Variants in FHIT observed in about 807,000 individuals in gnomAD.
FHIT encodes the protein fragile histidine triad diadenosine triphosphatase, also known as bis(5'-adenosyl)-triphosphatase.
FHIT carries 19 observed loss-of-function variants against 17.9 expected under a neutral mutation model. The observed-to-expected ratio is 1.06, with a 90% CI of 0.74 to 1.56. FHIT has a LOEUF of 1.56. Among genes scored for constraint, FHIT ranks in the 40% most tolerant of loss-of-function variants. The pLI is 0.00. For missense variants in FHIT, 248 were observed against 189.2 expected, an observed-to-expected ratio of 1.31 and a Z score of -1.82; for synonymous variants, 81 against 69.7, an observed-to-expected ratio of 1.16 and a Z score of -0.81.
At chr3:61,215,765 C>A (rs1309005358) in intron 1 of FHIT, among the ~76,000 whole-genome samples, 1 of 152,118 alleles carries the variant, frequency 6.6e-6, no homozygotes, top group Admixed American at 6.5e-5. Context: ...CTACAGTAAC[C>A]AAAACAGCAT....
chr3:60,101,736 T>C (rs1333917434), intron 5 of FHIT, among the ~76,000 whole-genome samples: 2 of 152,148 alleles, frequency 1.3e-5, no homozygotes, highest in African/African-American at 2.4e-5. Context: ...AATGAATAAA[T>C]TAACGAATGC....
At chr3:60,356,379 A>C (rs10510842) in intron 5 of FHIT, among the ~76,000 whole-genome samples, 5,814 of 152,228 alleles carry the variant, frequency 0.038, 301 homozygotes, top group African/African-American at 0.12. Flanking sequence ...GCATGATCGC[A>C]TAATTTTTTA....
At chr3:60,800,674 G>T (rs1347060744) in intron 4 of FHIT, among the ~76,000 whole-genome samples, 2 of 152,180 alleles carry the variant, frequency 1.3e-5, no homozygotes, top group Non-Finnish European at 2.9e-5. Flanking sequence ...GAAACCTATG[G>T]GGAAATGAGG....
chr3:60,409,181 T>C (rs1701978632), intron 5 of FHIT, among the ~76,000 whole-genome samples: 1 of 152,230 alleles, frequency 6.6e-6, no homozygotes, highest in Non-Finnish European at 1.5e-5. Flanking sequence ...TTCTTTTACT[T>C]GGCCTTGATT....
At chr3:61,082,345 G>A (rs2035166098) in intron 2 of FHIT, among the ~76,000 whole-genome samples, 1 of 152,138 alleles carries the variant, frequency 6.6e-6, no homozygotes, top group Admixed American at 6.5e-5. Context: ...GTAACATTCA[G>A]CACATGCTTT....
chr3:60,377,338 T>C (rs1700605370), intron 5 of FHIT, among the ~76,000 whole-genome samples: 1 of 151,950 alleles, frequency 6.6e-6, no homozygotes, highest in Admixed American at 6.5e-5. Flanking sequence ...ATTTTTGTTT[T>C]AGTAGAGACG....
intron 3 of FHIT, among the ~76,000 whole-genome samples, chr3:60,946,774 C>A (rs1553775863): frequency 6.6e-6 from 1 of 151,978 alleles, no homozygotes; most frequent in Non-Finnish European, 1.5e-5. Context: ...AAAACAGACA[C>A]CCCTGGAGAG....
At chr3:61,067,027 C>G (rs532287850) in intron 2 of FHIT, among the ~76,000 whole-genome samples, 2 of 152,170 alleles carry the variant, frequency 1.3e-5, no homozygotes, top group African/African-American at 4.8e-5. Context: ...GGCTGGGAAG[C>G]CTTCTTTTGG....
At position 61,136,985 on chromosome 3, in the gene FHIT, ATTG is replaced by A. The variant is rs1442304022; in HGVS notation, c.-164+63629_-164+63631del. Among the ~76,000 whole-genome samples, 3 of 152,206 alleles carry A rather than the reference ATTG, an allele frequency of 2.0e-5. No individual in the cohort carries two copies. The East Asian group carries it at 5.8e-4, about 29-fold the overall frequency. On this transcript the variant is annotated intron_variant, in intron 2 of 9. Coordinates refer to ENST00000492590, the MANE Select transcript of FHIT (RefSeq NM_002012.4). The stretch of plus-strand genomic sequence containing the variant: ...TGTCAGGTGTTAGGATTCTGCATGT[ATTG>A]TTGTTGTTTCTAAAACTGCATTTAA...
Position 59,793,401 on chromosome 3 carries a change from G to A in FHIT, c.349-41080C>T, listed in dbSNP as rs148063611. 1.4e-3 allele frequency among the ~76,000 whole-genome samples: 208 copies of A among 152,164 alleles called. 1 individual carries two copies. Among genetic ancestry groups the A allele is most frequent in the African/African-American group, 2.8e-3 (116 of 41,524 alleles). On this transcript the variant is annotated intron_variant, in intron 8 of 9. Transcript: ENST00000492590. ...AGAGAGGAAGGACAAAGTCAGAATT[G>A]ACACTGTGTTCGTGATGAAGGCAAC...
At chr3:61,044,807 A>C (rs1241646622) in intron 2 of FHIT, among the ~76,000 whole-genome samples, 3 of 152,254 alleles carry the variant, frequency 2.0e-5, no homozygotes, top group Admixed American at 6.5e-5. Context: ...TAGAAGCCAG[A>C]AGAGAGTGGA....
At chr3:60,007,501 C>A (rs186822712) in intron 7 of FHIT, among the ~76,000 whole-genome samples, 1 of 151,912 alleles carries the variant, frequency 6.6e-6, no homozygotes, top group Admixed American at 6.6e-5. Flanking sequence ...CATCATCATT[C>A]TCTTCCCCAC....
chr3:59,858,477 C>T (rs753569274), intron 8 of FHIT, among the ~76,000 whole-genome samples: 4 of 151,966 alleles, frequency 2.6e-5, no homozygotes, highest in African/African-American at 4.8e-5. Flanking sequence ...TCACCTGCCT[C>T]GGCCTCCCAA....
At chr3:60,555,996 C>T (rs1241069157) in intron 4 of FHIT, among the ~76,000 whole-genome samples, 2 of 152,202 alleles carry the variant, frequency 1.3e-5, no homozygotes, top group Admixed American at 6.5e-5. Flanking sequence ...CTATTGCCTT[C>T]CTTATAATAA....
intron 8 of FHIT, among the ~76,000 whole-genome samples, chr3:59,837,525 G>GGGTTCTAAT (rs1281624110): frequency 6.6e-6 from 1 of 151,906 alleles, no homozygotes; most frequent in Non-Finnish European, 1.5e-5. Context: ...CCATGGATAT[G>GGGTTCTAAT]GAGGGCCAAC....
chr3:60,269,861 G>T (rs918710026), intron 5 of FHIT, among the ~76,000 whole-genome samples: 1 of 152,142 alleles, frequency 6.6e-6, no homozygotes, highest in African/African-American at 2.4e-5. Flanking sequence ...TGCCATTTCG[G>T]TTCATAAAAA....
At chr3:59,825,416 T>G (rs546722808) in intron 8 of FHIT, among the ~76,000 whole-genome samples, 1 of 152,338 alleles carries the variant, frequency 6.6e-6, no homozygotes, top group African/African-American at 2.4e-5. Flanking sequence ...AGAGGGATAG[T>G]TGAGTTCTGT....
intron 8 of FHIT, among the ~76,000 whole-genome samples, chr3:59,873,419 G>T (rs1703011167): frequency 2.0e-5 from 3 of 152,170 alleles, no homozygotes; most frequent in African/African-American, 7.2e-5. Flanking sequence ...CCCTGCTCAT[G>T]AGCCTTGAAT....
chr3:61,185,481 A>G (rs184039803), intron 2 of FHIT, among the ~76,000 whole-genome samples: 2 of 152,284 alleles, frequency 1.3e-5, no homozygotes, highest in East Asian at 3.9e-4. Context: ...GCTCTTCCTG[A>G]AGTCAGTCAG....
Sources: gnomAD v4.1 joint callset for allele counts (sites outside exome capture counted in the v4.1 genomes callset) on GRCh38, gnomAD v4.1.1 for gene constraint, MANE v1.5 for transcripts, NCBI Gene and HGNC (gene_info 2026-07-23, HGNC 2026-07-21) for gene names.